DNAH6: variants seen among roughly 807,000 people sequenced by gnomAD.
DNAH6 encodes dynein axonemal heavy chain 6.
Under a neutral mutation model 491.4 loss-of-function variants are expected in DNAH6, and 340 were observed. The ratio of observed to expected loss-of-function variants is 0.69; its 90% CI spans 0.63 to 0.76. The LOEUF (loss-of-function observed/expected upper bound fraction) is 0.76, where lower values mean the gene tolerates loss of function less well. Ranked by LOEUF, DNAH6 falls within the 30% of genes least tolerant of loss-of-function variation. The probability of loss-of-function intolerance (pLI) is 0.00; values close to 1 mark genes in which losing one functional copy is unlikely to be tolerated. For missense variants in DNAH6, 4,443 were observed against 4,972.2 expected, an observed-to-expected ratio of 0.89 and a Z score of 3.20; for synonymous variants, 1,603 against 1,686.1, an observed-to-expected ratio of 0.95 and a Z score of 1.21.
intron 30 of DNAH6, among the ~76,000 whole-genome samples, chr2:84,635,858 C>T (rs1363687362): frequency 9.8e-5 from 15 of 152,300 alleles, no homozygotes; most frequent in African/African-American, 3.4e-4. Flanking sequence ...CTCCTCCAGG[C>T]TGTGGCACAT....
chr2:84,461,070 G>T, the DNAH6 span, among the ~76,000 whole-genome samples: 1 of 152,086 alleles, frequency 6.6e-6, no homozygotes, highest in African/African-American at 2.4e-5. Context: ...GATTTAGCAG[G>T]GGATAAGATA....
intron 34 of DNAH6, 89 bp downstream of exon 34, chr2:84,653,963 C>A: frequency 9.6e-7 from 1 of 1,038,766 alleles, no homozygotes; most frequent in Non-Finnish European, 1.4e-6. Flanking sequence ...GTAGCCTTTA[C>A]TATCTATAAT....
intron 64 of DNAH6, among the ~76,000 whole-genome samples, chr2:84,764,518 T>C (rs1272659305): frequency 6.6e-6 from 1 of 152,040 alleles, no homozygotes; most frequent in African/African-American, 2.4e-5. Context: ...GAGTAAAAAA[T>C]AAGCAAAAAT....
At chr2:84,473,129 C>G in the DNAH6 span, among the ~76,000 whole-genome samples, 1 of 151,866 alleles carries the variant, frequency 6.6e-6, no homozygotes, top group Non-Finnish European at 1.5e-5. Context: ...TAATAGAAGG[C>G]AAAATCCAGG....
chr2:84,667,602 A>G (rs1573418505), intron 37 of DNAH6, among the ~76,000 whole-genome samples: 3 of 152,136 alleles, frequency 2.0e-5, no homozygotes, highest in Non-Finnish European at 4.4e-5. Flanking sequence ...AGGTGCTGGA[A>G]AGGATGTGGA....
intron 32 of DNAH6, 83 bp from the exon 33 acceptor site, chr2:84,641,864 G>T (rs1390429768): frequency 9.1e-7 from 1 of 1,101,188 alleles, no homozygotes; most frequent in African/African-American, 1.6e-5. Flanking sequence ...CAGGGGAAGG[G>T]CTCTGCCCTC....
chr2:84,557,927 C>G lies in DNAH6; in HGVS notation c.1795C>G (p.Gln599Glu), dbSNP rs1167626728. Residue 599 changes from glutamine (Q) to glutamate (E), a missense_variant, in exon 11 of 77, where the codon CAA becomes GAA. Coordinates refer to ENST00000389394, the MANE Select transcript of DNAH6 (RefSeq NM_001370.2). ...DDKNFHTIISQIKETIQAAFE... is the reference protein window; with the variant it reads ...DDKNFHTIISEIKETIQAAFE... ...TAAGAATTTTCACACAATTATTTCT[C>G]AAATAAAGGTATGTTTACTCTGACT... 2.6e-5 allele frequency: 42 copies of G among 1,601,530 alleles called. No individual in the cohort carries two copies. Among genetic ancestry groups the G allele is most frequent in the Non-Finnish European group, 3.4e-5 (40 of 1,171,286 alleles).
chr2:84,581,021 C>T (rs1289741910), intron 14 of DNAH6, among the ~76,000 whole-genome samples: 1 of 152,192 alleles, frequency 6.6e-6, no homozygotes, highest in African/African-American at 2.4e-5. Flanking sequence ...ACATGGCCAC[C>T]AGCAGCTCCC....
chr2:84,727,839 G>T lies in DNAH6; in HGVS notation c.10143G>T (p.Gln3381His). The T allele has an allele frequency of 1.9e-6, 3 of 1,552,200 alleles. No homozygotes were observed. The highest frequency in any genetic ancestry group is 2.6e-6 in the Non-Finnish European group (3 of 1,147,082). The change falls in exon 61 of 77, where the codon CAG becomes CAT. Residue 3381 changes from glutamine (Q) to histidine (H), a missense_variant. Coordinates refer to ENST00000389394, the MANE Select transcript of DNAH6 (RefSeq NM_001370.2). ...TGCTTTGTGTTGAGATGATGCGTCA[G>T]CAAGGAACCCTATCTGATGCTGAAT... The part of the protein sequence containing the change: ...SFMLCVEMMR[Q>H]QGTLSDAEWN...
At chr2:84,534,413 C>G (rs1677482776) in intron 4 of DNAH6, among the ~76,000 whole-genome samples, 1 of 152,052 alleles carries the variant, frequency 6.6e-6, no homozygotes, top group Non-Finnish European at 1.5e-5. Flanking sequence ...GAGAGCAGCT[C>G]TATAGTGGGA....
At chr2:84,698,130 A>C (rs756533305) in intron 47 of DNAH6, among the ~76,000 whole-genome samples, 11 of 151,522 alleles carry the variant, frequency 7.3e-5, no homozygotes, top group Admixed American at 6.6e-5. Flanking sequence ...GTTTTCTCTC[A>C]CTCTCTCGGG....
the DNAH6 span, among the ~76,000 whole-genome samples, chr2:84,474,679 T>C: frequency 6.6e-6 from 1 of 152,224 alleles, no homozygotes; most frequent in African/African-American, 2.4e-5. Context: ...GGCTGAATTG[T>C]GCCTTCGTGA....
chr2:84,729,213 C>G (rs1446857123), intron 61 of DNAH6, among the ~76,000 whole-genome samples: 1 of 152,202 alleles, frequency 6.6e-6, no homozygotes, highest in Non-Finnish European at 1.5e-5. Context: ...TATCAACTCC[C>G]TTATTCCTCT....
chr2:84,493,971 C>T, the DNAH6 span, among the ~76,000 whole-genome samples: 1 of 152,162 alleles, frequency 6.6e-6, no homozygotes, highest in Non-Finnish European at 1.5e-5. Flanking sequence ...GGAACTAAGG[C>T]CACAGTAAGA....
chr2:84,465,534 T>C, the DNAH6 span, among the ~76,000 whole-genome samples: 3 of 152,128 alleles, frequency 2.0e-5, no homozygotes, highest in African/African-American at 7.2e-5. Flanking sequence ...TCAGTAAGCT[T>C]GTCCTGTATT....
intron 59 of DNAH6, among the ~76,000 whole-genome samples, chr2:84,720,659 G>A (rs1558958427): frequency 6.6e-6 from 1 of 152,084 alleles, no homozygotes; most frequent in Non-Finnish European, 1.5e-5. Flanking sequence ...ATCCACTTTT[G>A]CCAGTGTAGG....
chr2:84,541,636 C>T (rs144731140), intron 4 of DNAH6, among the ~76,000 whole-genome samples: 22 of 152,238 alleles, frequency 1.4e-4, no homozygotes, highest in African/African-American at 5.3e-4. Flanking sequence ...AACCAAAAAA[C>T]TAGGGAGAGT....
At chr2:84,468,619 C>G in the DNAH6 span, among the ~76,000 whole-genome samples, 1 of 152,088 alleles carries the variant, frequency 6.6e-6, no homozygotes, top group South Asian at 2.1e-4. Flanking sequence ...GACAAGGTCA[C>G]GCATATATTA....
At chr2:84,613,971 A>T (rs554940856) in intron 22 of DNAH6, among the ~76,000 whole-genome samples, 5 of 152,054 alleles carry the variant, frequency 3.3e-5, no homozygotes, top group Admixed American at 3.3e-4. Context: ...CAGTTAACTT[A>T]GTACTTTTTA....
Sources: allele counts gnomAD v4.1 joint callset (sites outside exome capture counted in the v4.1 genomes callset), GRCh38; gene constraint gnomAD v4.1.1; transcripts MANE v1.5; gene names NCBI Gene and HGNC (gene_info 2026-07-23, HGNC 2026-07-21).